SAMHD1: variants seen among roughly 807,000 people sequenced by gnomAD.
The protein encoded by SAMHD1 is deoxynucleoside triphosphate triphosphohydrolase SAMHD1.
A neutral mutation model predicts 79.6 loss-of-function variants in SAMHD1; 54 were observed. The ratio of observed to expected loss-of-function variants is 0.68; its 90% CI spans 0.55 to 0.85. The LOEUF is 0.85. SAMHD1 is among the 40% of genes least tolerant of loss of function. SAMHD1 has a pLI of 0.00. For missense variants in SAMHD1, 663 were observed against 782.7 expected (o/e 0.85, Z 1.82); for synonymous variants, 260 against 264.1 (o/e 0.98, Z 0.15).
chr20:36,912,667 C>A, intron 9 of SAMHD1, 115 bp from the exon 10 acceptor site: 1 of 738,096 alleles, frequency 1.4e-6, no homozygotes, highest in Non-Finnish European at 2.4e-6. Context: ...GGGCTATGCA[C>A]CGGGGCTTCT....
chr20:36,927,330 T>C (rs1299230461), intron 5 of SAMHD1, 78 bp from the exon 6 acceptor site: 2 of 1,301,062 alleles, frequency 1.5e-6, no homozygotes, highest in African/African-American at 1.5e-5. Context: ...TTTTTTTTTT[T>C]TTTTGAGACG....
chr20:36,936,584 G>T (rs561229343), intron 3 of SAMHD1, among the ~76,000 whole-genome samples: 13 of 152,110 alleles, frequency 8.5e-5, no homozygotes, highest in African/African-American at 3.1e-4. Context: ...GGAATTACAG[G>T]CATGAGCCAC....
intron 4 of SAMHD1, among the ~76,000 whole-genome samples, chr20:36,932,352 CAA>C (rs71186091): frequency 1.8e-4 from 6 of 34,192 alleles, no homozygotes; most frequent in Non-Finnish European, 2.4e-4. Flanking sequence ...ACTCCGTCTC[CAA>C]AAAAAAAAAA....
chr20:36,897,211 T>C (rs1990214538), intron 15 of SAMHD1, among the ~76,000 whole-genome samples: 1 of 152,222 alleles, frequency 6.6e-6, no homozygotes, highest in Non-Finnish European at 1.5e-5. Flanking sequence ...AGTTCTAGAC[T>C]AGGCAGTAAA....
At chr20:36,939,253 CAAAAAAAAAA>C (rs57018620) in intron 3 of SAMHD1, among the ~76,000 whole-genome samples, 18 of 36,640 alleles carry the variant, frequency 4.9e-4, no homozygotes, top group African/African-American at 2.1e-3. Context: ...GACTCCCTCT[CAAAAAAAAAA>C]AAAAAAAAAA....
intron 2 of SAMHD1, among the ~76,000 whole-genome samples, chr20:36,943,054 A>G (rs1323678467): frequency 6.6e-6 from 1 of 152,210 alleles, no homozygotes; most frequent in Non-Finnish European, 1.5e-5. Context: ...CTCCCTAGAA[A>G]GCAGGGTCCA....
intron 6 of SAMHD1, among the ~76,000 whole-genome samples, chr20:36,923,363 A>G (rs1481190373): frequency 6.6e-6 from 1 of 152,148 alleles, no homozygotes; most frequent in African/African-American, 2.4e-5. Flanking sequence ...CAGAGGTTGC[A>G]GTGAGCTTAG....
chr20:36,924,529 C>T (rs1446861832), intron 6 of SAMHD1, among the ~76,000 whole-genome samples: 1 of 151,950 alleles, frequency 6.6e-6, no homozygotes, highest in Non-Finnish European at 1.5e-5. Context: ...ACAGAAATAA[C>T]ATTAGTTAGT....
intron 2 of SAMHD1, among the ~76,000 whole-genome samples, chr20:36,945,815 G>A (rs1254009111): frequency 1.3e-5 from 2 of 151,990 alleles, no homozygotes; most frequent in East Asian, 3.9e-4. Context: ...GGAAGCTGAG[G>A]CAGGAGAATG....
At chr20:36,938,751 C>T (rs940143764) in intron 3 of SAMHD1, among the ~76,000 whole-genome samples, 5 of 151,820 alleles carry the variant, frequency 3.3e-5, no homozygotes, top group Non-Finnish European at 7.4e-5. Context: ...TAGGCTGAGG[C>T]AGGAGAATCA....
At chr20:36,908,938 TTTTATTTTTATTTATTTA>T (rs1568765000) in intron 11 of SAMHD1, among the ~76,000 whole-genome samples, 1 of 151,990 alleles carries the variant, frequency 6.6e-6, no homozygotes. Context: ...TGCTTTCCAA[TTTTATTTTTATTTATTTA>T]TTTATTTTTA....
chr20:36,909,678 T>G lies in SAMHD1; in HGVS notation c.1270+1540A>C, dbSNP rs936084465. Among the ~76,000 whole-genome samples, 6 of 43,820 alleles carry G rather than the reference T, an allele frequency of 1.4e-4. No individual in the cohort carries two copies. The East Asian group carries it at 2.8e-3, about 21-fold the overall frequency. 28.7% of individuals were successfully genotyped at this position (43,820 alleles called of 152,430 possible). ...AAGAGCAAAACTCTGTCCACCCCCC[T>G]CCAAAAAAAAAAAAAAAAAAAAAAA... is the stretch of plus-strand genomic sequence containing the variant. On this transcript the variant is annotated intron_variant, in intron 11 of 15. Coordinates refer to ENST00000646673, the MANE Select transcript of SAMHD1 (RefSeq NM_015474.4).
chr20:36,905,662 A>T (rs2148360768), intron 11 of SAMHD1, among the ~76,000 whole-genome samples, 159 bp from the exon 12 acceptor site: 1 of 152,282 alleles, frequency 6.6e-6, no homozygotes, highest in South Asian at 2.1e-4. Context: ...GATTTAAGTG[A>T]AAAAACCTTT....
At chr20:36,941,864 G>A (rs143755428) in intron 2 of SAMHD1, among the ~76,000 whole-genome samples, 23 of 152,234 alleles carry the variant, frequency 1.5e-4, no homozygotes, top group African/African-American at 5.1e-4. Context: ...AATATCTTGG[G>A]ATACACAGAA....
chr20:36,903,675 G>A (rs935516688), intron 13 of SAMHD1, among the ~76,000 whole-genome samples: 3 of 151,002 alleles, frequency 2.0e-5, no homozygotes, highest in Non-Finnish European at 2.9e-5. Context: ...TCAGCCTCCC[G>A]AGTAGCTGGG....
At chr20:36,905,258 A>C (rs2063398084) in intron 12 of SAMHD1, 106 bp downstream of exon 12, 1 of 1,246,220 alleles carries the variant, frequency 8.0e-7, no homozygotes, top group Non-Finnish European at 1.2e-6. Flanking sequence ...AATGAGAATA[A>C]ACGTAAAGCA....
Position 36,922,175 on chromosome 20 carries a change from C to G in SAMHD1, c.697-2656G>C, listed in dbSNP as rs146949521. ...AGATCAAAAGAAACTAGAAAAATGG[C>G]AACTAAATGCAATGTGTAATTCTGG... On this transcript the variant is annotated intron_variant, in intron 6 of 15. Coordinates refer to ENST00000646673, the MANE Select transcript of SAMHD1 (RefSeq NM_015474.4). Among the ~76,000 whole-genome samples, 68 of 152,206 alleles carry G rather than the reference C, an allele frequency of 4.5e-4. No homozygotes were observed. The East Asian group carries it at 0.011, about 24-fold the overall frequency.
At chr20:36,902,462 G>A (rs528468135) in intron 13 of SAMHD1, among the ~76,000 whole-genome samples, 2 of 152,298 alleles carry the variant, frequency 1.3e-5, no homozygotes, top group Admixed American at 6.5e-5. Flanking sequence ...GATTGCAGGC[G>A]TGAGCCACTG....
intron 14 of SAMHD1, 134 bp downstream of exon 14, chr20:36,898,306 G>T: frequency 1.3e-6 from 1 of 744,468 alleles, no homozygotes; most frequent in Non-Finnish European, 2.4e-6. Context: ...GGGATTACAG[G>T]TATGAGCTAC....
Sources: gnomAD v4.1 joint callset for allele counts (sites outside exome capture counted in the v4.1 genomes callset) on GRCh38, gnomAD v4.1.1 for gene constraint, MANE v1.5 for transcripts, NCBI Gene and HGNC (gene_info 2026-07-23, HGNC 2026-07-21) for gene names.